PTPRK: variants seen among roughly 807,000 people sequenced by gnomAD.
The protein encoded by PTPRK is protein tyrosine phosphatase receptor type K, also known as receptor-type tyrosine-protein phosphatase kappa.
In PTPRK, 75 loss-of-function variants were observed where a neutral mutation model predicts 178.0. The observed-to-expected ratio is 0.42, with a 90% CI of 0.35 to 0.51. The LOEUF is 0.51. Among genes scored for constraint, PTPRK ranks in the 20% least tolerant of loss-of-function variants. PTPRK has a pLI of 0.02. For missense variants in PTPRK, 1,441 were observed against 1,797.8 expected (o/e 0.80, Z 3.59); for synonymous variants, 637 against 620.6 (o/e 1.03, Z -0.39).
intron 1 of PTPRK, chr6:128,501,023 G>A (rs1011701192): frequency 2.0e-5 from 3 of 152,208 alleles, no homozygotes; most frequent in African/African-American, 4.8e-5. Flanking sequence ...GACTACAGGT[G>A]TGTGCAACCA....
chr6:128,057,884 T>A (rs1374809445), intron 13 of PTPRK, among the ~76,000 whole-genome samples: 1 of 152,164 alleles, frequency 6.6e-6, no homozygotes, highest in Non-Finnish European at 1.5e-5. Flanking sequence ...CCTTTTAACT[T>A]TTATTAGTTA....
intron 2 of PTPRK, among the ~76,000 whole-genome samples, chr6:128,393,170 C>A (rs1839844943): frequency 6.6e-6 from 1 of 150,440 alleles, no homozygotes; most frequent in Non-Finnish European, 1.5e-5. Context: ...CGGCTCACTG[C>A]AACCTCCGCC....
At chr6:128,104,199 T>C (rs557584778) in intron 7 of PTPRK, among the ~76,000 whole-genome samples, 2 of 152,350 alleles carry the variant, frequency 1.3e-5, no homozygotes, top group South Asian at 4.1e-4. Flanking sequence ...AAATCATTTA[T>C]ATTTTACTTA....
chr6:128,385,093 A>G (rs2128359484), intron 2 of PTPRK, among the ~76,000 whole-genome samples: 1 of 148,046 alleles, frequency 6.8e-6, no homozygotes, highest in South Asian at 2.1e-4. Context: ...AATTAATATT[A>G]TAAATATTAA....
At chr6:128,257,006 G>A (rs988751655) in intron 3 of PTPRK, among the ~76,000 whole-genome samples, 1 of 151,922 alleles carries the variant, frequency 6.6e-6, no homozygotes, top group Admixed American at 6.5e-5. Context: ...CGAGGCAGGA[G>A]GATCACATGA....
At chr6:128,286,055 C>G (rs1822456469) in intron 3 of PTPRK, among the ~76,000 whole-genome samples, 1 of 152,074 alleles carries the variant, frequency 6.6e-6, no homozygotes, top group African/African-American at 2.4e-5. Flanking sequence ...GTCTCTGTAA[C>G]CAAACCCAGG....
chr6:128,488,686 T>C (rs552664071), intron 1 of PTPRK, among the ~76,000 whole-genome samples: 3 of 152,290 alleles, frequency 2.0e-5, no homozygotes, highest in African/African-American at 7.2e-5. Context: ...AAAACCTCCA[T>C]AGGATTTCTG....
intron 2 of PTPRK, among the ~76,000 whole-genome samples, chr6:128,378,642 A>C (rs1837443361): frequency 6.6e-6 from 1 of 152,136 alleles, no homozygotes; most frequent in Admixed American, 6.5e-5. Flanking sequence ...TATAAAAATT[A>C]GATTCTAAAA....
At chr6:128,136,052 A>G (rs1220017465) in intron 7 of PTPRK, among the ~76,000 whole-genome samples, 1 of 152,124 alleles carries the variant, frequency 6.6e-6, no homozygotes. Flanking sequence ...GTGGGGTCCT[A>G]TTCCAGTATC....
intron 1 of PTPRK, among the ~76,000 whole-genome samples, chr6:128,479,617 T>C (rs1851802301): frequency 6.6e-6 from 1 of 152,120 alleles, no homozygotes; most frequent in Admixed American, 6.6e-5. Flanking sequence ...TCTGCCTTCC[T>C]AAGAGAGAGA....
intron 15 of PTPRK, 161 bp downstream of exon 15, chr6:128,004,923 C>T (rs1778248260): frequency 1.6e-6 from 1 of 620,208 alleles, no homozygotes; most frequent in Admixed American, 3.1e-5. Context: ...TGATGAGAAT[C>T]CTTCTTGTAA....
chr6:128,047,016 C>T (rs957496884), intron 13 of PTPRK, among the ~76,000 whole-genome samples: 4 of 151,938 alleles, frequency 2.6e-5, no homozygotes, highest in Non-Finnish European at 5.9e-5. Flanking sequence ...CAGCATCAGA[C>T]AAAATTAAGA....
At chr6:127,974,446 C>T (rs1774286714) in intron 27 of PTPRK, among the ~76,000 whole-genome samples, 1 of 152,146 alleles carries the variant, frequency 6.6e-6, no homozygotes, top group South Asian at 2.1e-4. Flanking sequence ...GCCTTGAATA[C>T]TTCTTCCTTG....
chr6:128,051,523 C>T (rs1778995413), intron 13 of PTPRK, among the ~76,000 whole-genome samples: 1 of 152,184 alleles, frequency 6.6e-6, no homozygotes, highest in Non-Finnish European at 1.5e-5. Flanking sequence ...GCTTTCCATG[C>T]TGCTTAAAAT....
chr6:128,150,446 A>G (rs1797090354), intron 7 of PTPRK, among the ~76,000 whole-genome samples: 1 of 152,138 alleles, frequency 6.6e-6, no homozygotes, highest in South Asian at 2.1e-4. Flanking sequence ...TTCTAGCCTC[A>G]GCAGACCCTG....
At chr6:128,095,595 G>C (rs1204102185) in intron 7 of PTPRK, among the ~76,000 whole-genome samples, 1 of 152,096 alleles carries the variant, frequency 6.6e-6, no homozygotes, top group Non-Finnish European at 1.5e-5. Flanking sequence ...CATCAATCAG[G>C]GAGTTCAGAC....
At chr6:128,114,295 C>T (rs780448589) in intron 7 of PTPRK, among the ~76,000 whole-genome samples, 1 of 151,958 alleles carries the variant, frequency 6.6e-6, no homozygotes, top group East Asian at 1.9e-4. Context: ...AGAGAGAGAG[C>T]AAGTGAGCGG....
At chr6:128,216,129 A>G (rs1809239533) in intron 6 of PTPRK, among the ~76,000 whole-genome samples, 1 of 152,222 alleles carries the variant, frequency 6.6e-6, no homozygotes, top group Non-Finnish European at 1.5e-5. Flanking sequence ...CTATCAAAAT[A>G]TATTTCTAAA....
At chr6:127,986,843 C>T (rs1161648500) in intron 21 of PTPRK, among the ~76,000 whole-genome samples, 1 of 152,042 alleles carries the variant, frequency 6.6e-6, no homozygotes, top group Non-Finnish European at 1.5e-5. Flanking sequence ...CAAACCAATA[C>T]CACCAAAACC....
Sources: gnomAD v4.1 joint callset for allele counts (sites outside exome capture counted in the v4.1 genomes callset) on GRCh38, gnomAD v4.1.1 for gene constraint, MANE v1.5 for transcripts, NCBI Gene and HGNC (gene_info 2026-07-23, HGNC 2026-07-21) for gene names.